The following TNR variants were observed in gnomAD, a reference collection of about 807,000 sequenced individuals.
TNR encodes the protein tenascin-R.
In TNR, 45 loss-of-function variants were observed where a neutral mutation model predicts 150.4. That is an observed-to-expected ratio of 0.30 (90% confidence interval 0.24 to 0.38). The LOEUF (loss-of-function observed/expected upper bound fraction) is 0.38. Ranked by LOEUF, TNR falls within the 10% of genes least tolerant of loss-of-function variation. The pLI, the probability that TNR is intolerant of heterozygous loss-of-function variation, is 1.00. For synonymous variants in TNR, 687 were observed against 678.4 expected (o/e 1.01, Z -0.20); for missense variants, 1,544 against 1,759.1 (o/e 0.88, Z 2.19).
intron 1 of TNR, among the ~76,000 whole-genome samples, chr1:175,596,564 T>C (rs1467150613): frequency 1.3e-5 from 2 of 152,232 alleles, no homozygotes; most frequent in Non-Finnish European, 2.9e-5. Context: ...GGATGGATTA[T>C]TGTCAACATA....
Position 175,666,585 on chromosome 1 carries a change from G to A in TNR, c.-165+76641C>T, listed in dbSNP as rs570757856. Reference sequence around the variant, plus strand: ...CTGCAAGCTCCGTGCTGCCAAGCCCGTCATCAGTGAAGCCAGCTTACTCCC... The same window carrying A: ...CTGCAAGCTCCGTGCTGCCAAGCCCATCATCAGTGAAGCCAGCTTACTCCC... On this transcript the variant is annotated intron_variant, in intron 1 of 22. Coordinates refer to ENST00000367674, the MANE Select transcript of TNR (RefSeq NM_003285.3). Among the ~76,000 whole-genome samples the A allele has an allele frequency of 5.3e-5, 8 of 152,332 alleles. No homozygotes were observed. The South Asian group carries it at 6.2e-4, about 12-fold the overall frequency.
chr1:175,443,261 T>G (rs1655875603), intron 2 of TNR, among the ~76,000 whole-genome samples: 1 of 152,194 alleles, frequency 6.6e-6, no homozygotes, highest in South Asian at 2.1e-4. Context: ...GTGTCTCACT[T>G]TATTGCCATC....
chr1:175,573,001 T>C (rs1214213437), intron 1 of TNR, among the ~76,000 whole-genome samples: 7 of 152,168 alleles, frequency 4.6e-5, no homozygotes, highest in Non-Finnish European at 2.9e-5. Flanking sequence ...GTTGAGAAGA[T>C]TGACTGTTAA....
chr1:175,514,359 G>A (rs1216114914), intron 2 of TNR, among the ~76,000 whole-genome samples: 2 of 152,156 alleles, frequency 1.3e-5, no homozygotes, highest in Non-Finnish European at 2.9e-5. Context: ...TGTTCTCCCC[G>A]AGAGCCTCCA....
At chr1:175,347,245 T>A (rs1157433657) in intron 18 of TNR, among the ~76,000 whole-genome samples, 1 of 152,142 alleles carries the variant, frequency 6.6e-6, no homozygotes, top group Non-Finnish European at 1.5e-5. Flanking sequence ...AACCATTTGA[T>A]AAAGTTTAAC....
chr1:175,547,609 GAAACAAA>G (rs1660751077), intron 1 of TNR, among the ~76,000 whole-genome samples: 2,341 of 23,092 alleles, frequency 0.1, 61 homozygotes, highest in African/African-American at 0.18. Flanking sequence ...AAGAAAGAAA[GAAACAAA>G]GAAACAAAGA....
chr1:175,696,087 C>A (rs965131482), intron 1 of TNR, among the ~76,000 whole-genome samples: 11 of 152,110 alleles, frequency 7.2e-5, no homozygotes, highest in African/African-American at 2.7e-4. Context: ...TCTATTTAGT[C>A]TCCTGGCTGC....
intron 1 of TNR, among the ~76,000 whole-genome samples, chr1:175,622,199 C>T (rs1045003140): frequency 5.3e-5 from 8 of 152,298 alleles, no homozygotes; most frequent in Middle Eastern, 3.4e-3. Context: ...GTCTTGGAGA[C>T]TCTGAATCTG....
chr1:175,725,299 C>A (rs1667447970), intron 1 of TNR, among the ~76,000 whole-genome samples: 2 of 152,180 alleles, frequency 1.3e-5, no homozygotes, highest in South Asian at 4.1e-4. Flanking sequence ...CCAACATGTG[C>A]TTTCCAGCCA....
intron 1 of TNR, among the ~76,000 whole-genome samples, chr1:175,631,771 A>G (rs1009536051): frequency 6.6e-6 from 1 of 152,134 alleles, no homozygotes; most frequent in Non-Finnish European, 1.5e-5. Flanking sequence ...AAACCATGGA[A>G]AGGACACACA....
At chr1:175,567,296 C>A (rs1274223809) in intron 1 of TNR, among the ~76,000 whole-genome samples, 2 of 152,176 alleles carry the variant, frequency 1.3e-5, no homozygotes, top group Non-Finnish European at 2.9e-5. Flanking sequence ...GGCATTTCCA[C>A]TGGACCATCT....
intron 21 of TNR, among the ~76,000 whole-genome samples, chr1:175,327,324 T>C (rs1166979792): frequency 6.6e-6 from 1 of 152,210 alleles, no homozygotes; most frequent in Non-Finnish European, 1.5e-5. Flanking sequence ...AAGTCCTGGT[T>C]TCTGTCTCTC....
chr1:175,660,071 C>A (rs4652099), intron 1 of TNR, among the ~76,000 whole-genome samples: 69,091 of 151,780 alleles, frequency 0.46, 17,013 homozygotes, highest in Admixed American at 0.58. Context: ...GAATTCAAGA[C>A]CCTCTATGGG....
At chr1:175,426,153 G>A (rs1180352636) in intron 2 of TNR, among the ~76,000 whole-genome samples, 1 of 152,196 alleles carries the variant, frequency 6.6e-6, no homozygotes, top group Non-Finnish European at 1.5e-5. Context: ...GTTACCTCAA[G>A]GGATGAAGTG....
chr1:175,686,694 A>G (rs907203267), intron 1 of TNR, among the ~76,000 whole-genome samples: 1 of 151,854 alleles, frequency 6.6e-6, no homozygotes, highest in Admixed American at 6.6e-5. Context: ...CTTTATGTCC[A>G]TTTGTACCCA....
chr1:175,592,510 C>T (rs1399701530), intron 1 of TNR, among the ~76,000 whole-genome samples: 1 of 152,246 alleles, frequency 6.6e-6, no homozygotes, highest in Non-Finnish European at 1.5e-5. Flanking sequence ...GCTCGAGGAG[C>T]CGGAGGCTCT....
intron 1 of TNR, among the ~76,000 whole-genome samples, chr1:175,694,371 G>A (rs974029673): frequency 1.6e-4 from 25 of 152,086 alleles, no homozygotes; most frequent in East Asian, 7.7e-4. Flanking sequence ...GCATCATCAC[G>A]GACCTGACCT....
intron 1 of TNR, among the ~76,000 whole-genome samples, chr1:175,579,165 T>TTTCCTTCCTTCCTTCCTACC (rs1662241101): frequency 7.4e-6 from 1 of 134,380 alleles, no homozygotes; most frequent in African/African-American, 2.8e-5. Flanking sequence ...TCGTTCCTTC[T>TTTCCTTCCTTCCTTCCTACC]TTCCTTCCTT....
At chr1:175,689,962 T>C (rs959166907) in intron 1 of TNR, among the ~76,000 whole-genome samples, 6 of 152,212 alleles carry the variant, frequency 3.9e-5, no homozygotes, top group South Asian at 2.1e-4. Context: ...CCATGATTCA[T>C]TGTTTCATGT....
Sources: gnomAD v4.1 joint callset for allele counts (sites outside exome capture counted in the v4.1 genomes callset) on GRCh38, gnomAD v4.1.1 for gene constraint, MANE v1.5 for transcripts, NCBI Gene and HGNC (gene_info 2026-07-23, HGNC 2026-07-21) for gene names.